The following UST variants were observed in gnomAD, a reference collection of about 807,000 sequenced individuals.
UST encodes the protein uronyl 2-sulfotransferase.
A neutral mutation model predicts 45.6 loss-of-function variants in UST; 21 were observed. That is an observed-to-expected ratio of 0.46 (90% CI 0.33 to 0.66). The LOEUF is 0.66. UST is among the 30% of genes least tolerant of loss of function. The pLI, the probability that UST is intolerant of heterozygous loss-of-function variation, is 0.02. For synonymous variants in UST, 215 were observed against 200.6 expected, an observed-to-expected ratio of 1.07 and a Z score of -0.61; for missense variants, 463 against 512.4, an observed-to-expected ratio of 0.90 and a Z score of 0.93.
chr6:149,022,716 GGCCCAGGGAAACTGGTCTTT>G (rs2115020668), intron 7 of UST, among the ~76,000 whole-genome samples: 1 of 152,298 alleles, frequency 6.6e-6, no homozygotes, highest in African/African-American at 2.4e-5. Context: ...TAGGTCCCAA[GGCCCAGGGAAACTGGTCTTT>G]GCCCAGAGAG....
intron 1 of UST, among the ~76,000 whole-genome samples, chr6:148,755,278 A>G (rs1776073432): frequency 6.6e-6 from 1 of 152,244 alleles, no homozygotes; most frequent in African/African-American, 2.4e-5. Flanking sequence ...AAGGACAAAT[A>G]TATAGGAACA....
chr6:148,972,234 G>C (rs771432586), intron 5 of UST, among the ~76,000 whole-genome samples: 1 of 152,248 alleles, frequency 6.6e-6, no homozygotes. Flanking sequence ...AACGAAATCA[G>C]CAAGAGTTGG....
At chr6:148,853,631 T>A (rs1034913233) in intron 1 of UST, among the ~76,000 whole-genome samples, 11 of 152,208 alleles carry the variant, frequency 7.2e-5, no homozygotes, top group Non-Finnish European at 1.5e-4. Flanking sequence ...CTGTTCTTTC[T>A]TGAGTTTTTA....
At chr6:149,049,895 A>G (rs1467125223) in intron 7 of UST, among the ~76,000 whole-genome samples, 1 of 149,024 alleles carries the variant, frequency 6.7e-6, no homozygotes, top group Non-Finnish European at 1.5e-5. Context: ...GTAGTTTTTT[A>G]AAAACTCACC....
intron 2 of UST, among the ~76,000 whole-genome samples, chr6:148,895,314 A>G (rs1429476775): frequency 1.3e-5 from 2 of 152,178 alleles, no homozygotes; most frequent in Admixed American, 6.5e-5. Flanking sequence ...AACATATTAT[A>G]TTACATCATA....
chr6:149,017,814 A>ACACC (rs1291478083), intron 5 of UST, among the ~76,000 whole-genome samples: 1 of 148,002 alleles, frequency 6.8e-6, no homozygotes, highest in Non-Finnish European at 1.5e-5. Context: ...ACACACACAC[A>ACACC]CACACACACA....
chr6:149,068,328 A>G (rs531813912), intron 7 of UST, among the ~76,000 whole-genome samples: 36 of 152,284 alleles, frequency 2.4e-4, no homozygotes, highest in African/African-American at 8.2e-4. Context: ...TGGCTGCATG[A>G]CCTTGAATGA....
intron 1 of UST, among the ~76,000 whole-genome samples, chr6:148,791,307 T>C (rs918278223): frequency 1.3e-5 from 2 of 152,222 alleles, no homozygotes; most frequent in Non-Finnish European, 2.9e-5. Flanking sequence ...GGATGAGCAT[T>C]GGTCACCAAG....
At chr6:148,792,148 T>C (rs973405417) in intron 1 of UST, among the ~76,000 whole-genome samples, 7 of 152,314 alleles carry the variant, frequency 4.6e-5, no homozygotes, top group African/African-American at 1.4e-4. Context: ...TCCAATCTTA[T>C]GGAATTTCAG....
At chr6:148,777,161 C>G (rs1052998569) in intron 1 of UST, among the ~76,000 whole-genome samples, 1 of 152,164 alleles carries the variant, frequency 6.6e-6, no homozygotes, top group Non-Finnish European at 1.5e-5. Flanking sequence ...GCTCACTTAC[C>G]GCACTTAAAA....
At chr6:148,856,517 C>T (rs887862959) in intron 1 of UST, among the ~76,000 whole-genome samples, 3 of 152,212 alleles carry the variant, frequency 2.0e-5, no homozygotes, top group African/African-American at 7.2e-5. Context: ...GAGGTGCCAC[C>T]AACCTAGCAT....
intron 7 of UST, among the ~76,000 whole-genome samples, chr6:149,069,496 G>A (rs775154140): frequency 6.6e-6 from 1 of 152,158 alleles, no homozygotes; most frequent in African/African-American, 2.4e-5. Context: ...TGATTAGCAT[G>A]TTGAGTTTTT....
intron 5 of UST, among the ~76,000 whole-genome samples, chr6:148,969,979 A>T (rs924780674): frequency 1.3e-5 from 2 of 152,198 alleles, no homozygotes; most frequent in South Asian, 4.1e-4. Context: ...CTCTCCGAGG[A>T]GTAACGAGAA....
intron 7 of UST, among the ~76,000 whole-genome samples, chr6:149,056,305 G>T (rs1776566075): frequency 6.6e-6 from 1 of 151,628 alleles, no homozygotes; most frequent in South Asian, 2.1e-4. Context: ...ACGAGGTTTT[G>T]CCATGTTGGC....
intron 7 of UST, among the ~76,000 whole-genome samples, chr6:149,064,150 CAG>C (rs1562344210): frequency 1.3e-5 from 2 of 152,164 alleles, no homozygotes; most frequent in African/African-American, 4.8e-5. Flanking sequence ...GCAAATGAAT[CAG>C]AGTGAGATGC....
At chr6:148,758,639 A>T (rs1776142702) in intron 1 of UST, among the ~76,000 whole-genome samples, 1 of 152,148 alleles carries the variant, frequency 6.6e-6, no homozygotes, top group Non-Finnish European at 1.5e-5. Flanking sequence ...CCTCTCATTG[A>T]CAGTCAGAGC....
intron 1 of UST, among the ~76,000 whole-genome samples, chr6:148,851,511 T>C (rs1349258611): frequency 1.3e-5 from 2 of 152,228 alleles, no homozygotes; most frequent in Non-Finnish European, 2.9e-5. Context: ...CATGCAAATC[T>C]CTATGCATAT....
intron 1 of UST, among the ~76,000 whole-genome samples, chr6:148,809,665 G>A (rs189162481): frequency 5.9e-4 from 90 of 152,184 alleles, no homozygotes; most frequent in Non-Finnish European, 1.0e-3. Flanking sequence ...GCAGTCCTAC[G>A]TTTTCAGATT....
At chr6:148,823,707 C>T (rs1777512508) in intron 1 of UST, among the ~76,000 whole-genome samples, 1 of 152,018 alleles carries the variant, frequency 6.6e-6, no homozygotes, top group African/African-American at 2.4e-5. Flanking sequence ...AAGATTAGCC[C>T]CCGTGTCTAG....
Sources: allele counts gnomAD v4.1 joint callset (sites outside exome capture counted in the v4.1 genomes callset), GRCh38; gene constraint gnomAD v4.1.1; transcripts MANE v1.5; gene names NCBI Gene and HGNC (gene_info 2026-07-23, HGNC 2026-07-21).